SLC2A9: variants seen among roughly 807,000 people sequenced by gnomAD.
SLC2A9 encodes the protein solute carrier family 2, facilitated glucose transporter member 9.
SLC2A9 carries 39 observed loss-of-function variants against 50.6 expected under a neutral mutation model. The ratio of observed to expected loss-of-function variants is 0.77; its 90% confidence interval spans 0.60 to 1.01. The LOEUF (loss-of-function observed/expected upper bound fraction) is 1.01, where lower values mean the gene tolerates loss of function less well. Ranked by LOEUF, SLC2A9 falls within the 50% of genes least tolerant of loss-of-function variation. SLC2A9 has a pLI of 0.00. For missense variants in SLC2A9, 686 were observed against 677.6 expected (o/e 1.01, Z -0.14); for synonymous variants, 324 against 276.9 (o/e 1.17, Z -1.69).
downstream of SLC2A9, among the ~76,000 whole-genome samples, chr4:9,825,944 G>A (rs1275519666): frequency 6.6e-6 from 1 of 152,196 alleles, no homozygotes; most frequent in African/African-American, 2.4e-5. Flanking sequence ...CAGGTTGAGG[G>A]CAGGTCAAGG....
rs573726251 is a variant in SLC2A9 at position 9,998,288 on chromosome 4, G to A, written c.250-1347C>T. Among the ~76,000 whole-genome samples, 9 of 152,300 alleles carry A rather than the reference G, an allele frequency of 5.9e-5. No homozygotes were observed. In the South Asian group the frequency reaches 1.9e-3, roughly 32 times the overall value. ...AGCTGAGCCAGTATATGACACTGCA[G>A]AAAAAGCTTAGGTTCAGGTCGCTCA... On this transcript the variant is annotated intron_variant, in intron 2 of 11. Coordinates refer to ENST00000264784, the MANE Select transcript of SLC2A9 (RefSeq NM_020041.3).
downstream of SLC2A9, among the ~76,000 whole-genome samples, chr4:9,822,462 C>A: frequency 6.6e-6 from 1 of 151,990 alleles, no homozygotes; most frequent in Non-Finnish European, 1.5e-5. Flanking sequence ...ATGGGTAATT[C>A]CTCTTGTTTC....
chr4:9,878,958 G>T, intron 10 of SLC2A9: 1 of 809,454 alleles, frequency 1.2e-6, no homozygotes, highest in Non-Finnish European at 1.5e-6. Flanking sequence ...GGTGTGAGCT[G>T]TGGTGGTAGA....
intron 5 of SLC2A9, among the ~76,000 whole-genome samples, chr4:9,971,157 T>A (rs1307775897): frequency 1.3e-5 from 2 of 152,234 alleles, no homozygotes; most frequent in East Asian, 3.9e-4. Flanking sequence ...CAATTCATTG[T>A]GTGAGAGGTT....
chr4:9,847,432 C>A (rs578134052), intron 10 of SLC2A9, among the ~76,000 whole-genome samples: 1 of 152,176 alleles, frequency 6.6e-6, no homozygotes, highest in African/African-American at 2.4e-5. Flanking sequence ...CAGGTCCCTC[C>A]CCTGACACAT....
intron 1 of SLC2A9, chr4:10,035,196 A>G (rs1464270196): frequency 6.6e-6 from 1 of 152,190 alleles, no homozygotes; most frequent in Non-Finnish European, 1.5e-5. Context: ...GCTGCATCCT[A>G]GGCACCCAGG....
At chr4:9,857,011 G>A (rs2109357708) in intron 10 of SLC2A9, among the ~76,000 whole-genome samples, 1 of 152,218 alleles carries the variant, frequency 6.6e-6, no homozygotes, top group East Asian at 1.9e-4. Flanking sequence ...ACTATACTAT[G>A]CTTATTACCT....
chr4:9,876,815 A>G (rs963159574), intron 10 of SLC2A9, among the ~76,000 whole-genome samples: 1 of 152,148 alleles, frequency 6.6e-6, no homozygotes, highest in East Asian at 1.9e-4. Context: ...ACTAGCACCA[A>G]TGCTGGAGTT....
chr4:9,954,155 C>A (rs911455782), intron 5 of SLC2A9, among the ~76,000 whole-genome samples: 1 of 152,226 alleles, frequency 6.6e-6, no homozygotes, highest in Non-Finnish European at 1.5e-5. Flanking sequence ...CCAGGCCGGT[C>A]TCAAACTCCG....
intron 6 of SLC2A9, among the ~76,000 whole-genome samples, chr4:9,924,355 C>T (rs1044472454): frequency 6.6e-6 from 1 of 152,206 alleles, no homozygotes. Flanking sequence ...CAGCCCTCAG[C>T]AGTTAACACC....
chr4:9,982,815 C>G (rs1343496738), intron 4 of SLC2A9, among the ~76,000 whole-genome samples: 1 of 152,192 alleles, frequency 6.6e-6, no homozygotes, highest in Non-Finnish European at 1.5e-5. Context: ...CACTAAGTGC[C>G]TGGAACTACA....
rs148572998 is a variant in SLC2A9, at chr4:9,842,732, A to G, written c.1292-7724T>C. Among the ~76,000 whole-genome samples, 393 of 152,318 alleles carry G rather than the reference A, an allele frequency of 2.6e-3. 1 individual carries two copies. The highest frequency in any genetic ancestry group is 8.9e-3 in the African/African-American group (372 of 41,566). On this transcript the variant is annotated intron_variant, in intron 10 of 11. Coordinates refer to ENST00000264784, the MANE Select transcript of SLC2A9 (RefSeq NM_020041.3). ...TCAATATATGTTGCCCAACAGTCCAATATAGCTTAAACTTTGAAAATTAGC... is the reference window on the plus strand; with the variant it reads ...TCAATATATGTTGCCCAACAGTCCAGTATAGCTTAAACTTTGAAAATTAGC...
downstream of SLC2A9, among the ~76,000 whole-genome samples, chr4:9,779,037 A>T (rs1379536004): frequency 3.3e-5 from 5 of 152,118 alleles, no homozygotes; most frequent in Non-Finnish European, 5.9e-5. Flanking sequence ...CAGTGCTGGG[A>T]TTACAGGCAT....
intron 5 of SLC2A9, among the ~76,000 whole-genome samples, chr4:9,953,240 T>A (rs1208457745): frequency 6.6e-6 from 1 of 152,216 alleles, no homozygotes; most frequent in African/African-American, 2.4e-5. Context: ...TGGCCATGGG[T>A]AGGAGGTAGA....
At position 9,980,735 on chromosome 4, in the gene SLC2A9, C is replaced by T. The variant is rs370374119; in HGVS notation, c.538G>A (p.Val180Ile). ...GRFIMGIDGG[V>I]ALSVLPMYLS... is the part of the protein sequence containing the mutation. Reference sequence around the variant, plus strand: ...TACATGGGGAGCACACTGAGGGCGACGCCTGTAGAGAGAAAGCATAGCAGC... The same window carrying T: ...TACATGGGGAGCACACTGAGGGCGATGCCTGTAGAGAGAAAGCATAGCAGC... Residue 180 changes from valine (V) to isoleucine (I), a missense_variant and splice_region_variant, in exon 5 of 12, where the codon GTC (valine) becomes ATC (isoleucine). Coordinates refer to ENST00000264784, the MANE Select transcript of SLC2A9 (RefSeq NM_020041.3). 1.7e-5 allele frequency: 27 copies of T among 1,614,028 alleles called. No individual in the cohort carries two copies. In the Middle Eastern group the frequency reaches 1.2e-3, roughly 69 times the overall value.
At chr4:9,812,990 C>T (rs979939149) in intron 3 of SLC2A9, among the ~76,000 whole-genome samples, 7 of 152,136 alleles carry the variant, frequency 4.6e-5, no homozygotes, top group African/African-American at 1.4e-4. Flanking sequence ...GCTGCTGAGT[C>T]CCTGTCACTC....
chr4:9,787,755 G>A (rs1286736937), intron 3 of SLC2A9, among the ~76,000 whole-genome samples: 2 of 152,216 alleles, frequency 1.3e-5, no homozygotes, highest in African/African-American at 4.8e-5. Flanking sequence ...CCTTCAACTT[G>A]GGTTTTTTGG....
chr4:9,787,710 TGAA>T (rs1719403076), intron 3 of SLC2A9, among the ~76,000 whole-genome samples: 1 of 152,236 alleles, frequency 6.6e-6, no homozygotes, highest in Non-Finnish European at 1.5e-5. Flanking sequence ...CGGACCTTTG[TGAA>T]GATTACCTGG....
intron 3 of SLC2A9, among the ~76,000 whole-genome samples, chr4:9,819,035 C>T (rs972764446): frequency 4.9e-5 from 7 of 143,514 alleles, no homozygotes; most frequent in Admixed American, 2.2e-4. Flanking sequence ...GGCAGAATGG[C>T]GTGAACCTGG....
Sources: allele counts gnomAD v4.1 joint callset (sites outside exome capture counted in the v4.1 genomes callset), GRCh38; gene constraint gnomAD v4.1.1; transcripts MANE v1.5; gene names NCBI Gene and HGNC (gene_info 2026-07-23, HGNC 2026-07-21).